GCFC2: variants seen among roughly 807,000 people sequenced by gnomAD.
GCFC2 encodes intron Large complex component GCFC2.
A neutral mutation model predicts 99.4 loss-of-function variants in GCFC2; 102 were observed. The observed-to-expected ratio is 1.03, with a 90% CI of 0.87 to 1.21. The LOEUF (loss-of-function observed/expected upper bound fraction) is 1.21, where lower values mean the gene tolerates loss of function less well. Among genes scored for constraint, GCFC2 ranks in the 50% most tolerant of loss-of-function variants. GCFC2 has a pLI of 0.00. For missense variants in GCFC2, 973 were observed against 920.9 expected, an observed-to-expected ratio of 1.06 and a Z score of -0.73; for synonymous variants, 338 against 316.8, an observed-to-expected ratio of 1.07 and a Z score of -0.71.
intron 11 of GCFC2, among the ~76,000 whole-genome samples, chr2:75,683,786 A>AAAAAAAG (rs1679690260): frequency 2.0e-5 from 3 of 146,568 alleles, no homozygotes; most frequent in South Asian, 2.2e-4. Flanking sequence ...AAAAAAAAAA[A>AAAAAAAG]AAAAAAGAAA....
upstream of GCFC2, chr2:75,710,956 G>C: frequency 7.3e-7 from 1 of 1,368,106 alleles, no homozygotes; most frequent in Non-Finnish European, 9.4e-7. Context: ...CCTGGCCGCC[G>C]AGTGCGCGCG....
intron 13 of GCFC2, among the ~76,000 whole-genome samples, chr2:75,672,303 AT>A (rs1679140275): frequency 2.3e-5 from 3 of 129,552 alleles, no homozygotes; most frequent in Non-Finnish European, 4.8e-5. Context: ...ATATATTTAT[AT>A]ATTTATAAAT....
At chr2:75,669,003 G>A (rs968458939) in intron 15 of GCFC2, among the ~76,000 whole-genome samples, 5 of 152,084 alleles carry the variant, frequency 3.3e-5, no homozygotes, top group African/African-American at 1.2e-4. Flanking sequence ...AAATAACAAC[G>A]CCAAAAAATG....
intron 11 of GCFC2, among the ~76,000 whole-genome samples, chr2:75,681,553 T>G (rs986009834): frequency 6.6e-6 from 1 of 151,644 alleles, no homozygotes; most frequent in Admixed American, 6.6e-5. Context: ...TAATTTTTAT[T>G]TTTTCATACC....
rs753111056 is a variant in GCFC2 at position 75,702,421 on chromosome 2, T to C, written c.397A>G (p.Lys133Glu). 1.2e-5 allele frequency: 20 copies of C among 1,611,328 alleles called. No individual in the cohort carries two copies. Among genetic ancestry groups the C allele is most frequent in the African/African-American group, 2.7e-5 (2 of 74,796 alleles). The change falls in exon 3 of 17, where the codon AAG (lysine) becomes GAG (glutamate). Residue 133 changes from lysine (K) to glutamate (E), a missense_variant and splice_region_variant. Lys to Glu is a moderately conservative substitution (Grantham distance 56, BLOSUM62 1). Coordinates refer to ENST00000321027, the MANE Select transcript of GCFC2 (RefSeq NM_003203.5). ...LGEKELSSTV[K>E]IPDAAFIQAA... is the part of the protein sequence containing the mutation. ...TGAATAAAAGCTGCATCTGGGATCT[T>C]AACTGAAGGAAACAAAGACGAGGAC...
At chr2:75,674,719 G>C (rs1679265410) in intron 12 of GCFC2, among the ~76,000 whole-genome samples, 1 of 152,028 alleles carries the variant, frequency 6.6e-6, no homozygotes, top group African/African-American at 2.4e-5. Context: ...AAATTCAACT[G>C]TCACATACTA....
At position 75,694,425 on chromosome 2, in the gene GCFC2, A is replaced by C. The variant is rs1041581878; in HGVS notation, c.836T>G (p.Leu279Ter). The change falls in exon 6 of 17, where the codon TTA becomes TGA. Residue 279 changes from leucine to a stop codon, truncating the protein, a stop_gained and splice_region_variant. Transcript: ENST00000321027. LOFTEE classifies it high-confidence loss of function. Reference sequence around the variant, plus strand: ...GCGGTGAGTTTCCTGTAGTAATGTTAATCTAAATAAATAAAATAAAAATTA... The same window carrying C: ...GCGGTGAGTTTCCTGTAGTAATGTTCATCTAAATAAATAAAATAAAAATTA... The part of the protein sequence containing the change: ...EIIKKQLNTR[L>*]TLLQETHRSH... 2 of 1,250,818 alleles carry C rather than the reference A, an allele frequency of 1.6e-6. No individual in the cohort carries two copies. Among genetic ancestry groups the C allele is most frequent in the Non-Finnish European group, 2.2e-6 (2 of 929,378 alleles). The allele number at this position is 1,250,818 out of a possible 1,614,324, so 77.5% of individuals were successfully genotyped here.
At chr2:75,698,521 G>A (rs1680432357) in intron 4 of GCFC2, among the ~76,000 whole-genome samples, 1 of 150,840 alleles carries the variant, frequency 6.6e-6, no homozygotes, top group Non-Finnish European at 1.5e-5. Flanking sequence ...ATAAAAACAA[G>A]AGAAGATAAT....
intron 16 of GCFC2, among the ~76,000 whole-genome samples, chr2:75,665,256 A>G (rs1231507195): frequency 3.9e-5 from 6 of 152,054 alleles, no homozygotes; most frequent in Non-Finnish European, 4.4e-5. Context: ...GGCTCAAGCA[A>G]TCTTCCCACC....
intron 4 of GCFC2, among the ~76,000 whole-genome samples, chr2:75,698,809 T>C (rs1029428602): frequency 1.3e-5 from 2 of 151,976 alleles, no homozygotes; most frequent in African/African-American, 4.8e-5. Context: ...CTCAGGAGTT[T>C]GAGACCAGCC....
At chr2:75,673,313 A>G (rs1490345610) in intron 13 of GCFC2, 131 bp downstream of exon 13, 5 of 259,722 alleles carry the variant, frequency 1.9e-5, no homozygotes, top group Admixed American at 1.6e-4. Flanking sequence ...GTCTCAAAAG[A>G]AAAAAAAAAA....
chr2:75,673,263 G>C (rs888037641), intron 13 of GCFC2, among the ~76,000 whole-genome samples, 181 bp downstream of exon 13: 3 of 151,550 alleles, frequency 2.0e-5, no homozygotes, highest in Non-Finnish European at 4.4e-5. Context: ...AGCCGAGATC[G>C]CGCCACTGCA....
At chr2:75,669,575 T>G (rs999978275) in intron 15 of GCFC2, among the ~76,000 whole-genome samples, 7 of 152,184 alleles carry the variant, frequency 4.6e-5, no homozygotes, top group Non-Finnish European at 8.8e-5. Context: ...TGGTGTATAG[T>G]GAGAGGTGAG....
In GCFC2 at chr2:75,701,233, G is replaced by A. The variant is rs769849446; in HGVS notation, c.674C>T (p.Thr225Ile). 1 of 1,608,770 alleles carries A rather than the reference G, an allele frequency of 6.2e-7. No individual in the cohort carries two copies. The highest frequency in any genetic ancestry group is 8.5e-7 in the Non-Finnish European group (1 of 1,175,216). The part of the protein sequence containing the change: ...EESQEDEKQD[T>I]WEQQQMRKAV... ...TTTCCTCATTTGCTGTTGTTCCCAA[G>A]TATCTTGCTTTTCATCTTCCTGACT... Residue 225 changes from threonine (T) to isoleucine (I), a missense_variant, in exon 4 of 17, where the codon ACT becomes ATT. Physicochemically the swap from Thr to Ile is moderately conservative, Grantham distance 89. Coordinates refer to ENST00000321027, the MANE Select transcript of GCFC2 (RefSeq NM_003203.5).
At chr2:75,670,393 C>T (rs1679044608) in intron 14 of GCFC2, 109 bp from the exon 15 acceptor site, 1 of 660,720 alleles carries the variant, frequency 1.5e-6, no homozygotes, top group Non-Finnish European at 2.6e-6. Context: ...TACAATTAGC[C>T]CTGTTGGAAC....
intron 12 of GCFC2, among the ~76,000 whole-genome samples, chr2:75,677,164 C>T (rs557750395): frequency 3.2e-4 from 48 of 152,304 alleles, no homozygotes; most frequent in Middle Eastern, 3.4e-3. Flanking sequence ...ATAGTAATTA[C>T]TGCTTTTTAA....
chr2:75,686,435 A>G (rs533495846), intron 11 of GCFC2, among the ~76,000 whole-genome samples: 1 of 152,218 alleles, frequency 6.6e-6, no homozygotes, highest in Admixed American at 6.5e-5. Flanking sequence ...AGAAGCAATT[A>G]TAAGGCTAAT....
Position 75,666,059 on chromosome 2 carries a change from A to G in GCFC2, c.2104-6T>C, listed in dbSNP as rs1018639536. ...TCTGGTAGACATGCTGCTACCTGTT[A>G]ATCAAAACACATGGCTGGTTTACAA... On this transcript the variant is annotated splice_polypyrimidine_tract_variant and splice_region_variant and intron_variant, in intron 15 of 16. Transcript: ENST00000321027. The G allele has an allele frequency of 7.5e-6, 12 of 1,598,320 alleles. No homozygotes were observed. The African/African-American group carries it at 1.6e-4, about 22-fold the overall frequency.
At chr2:75,684,156 C>T (rs970861324) in intron 11 of GCFC2, among the ~76,000 whole-genome samples, 1 of 152,162 alleles carries the variant, frequency 6.6e-6, no homozygotes, top group African/African-American at 2.4e-5. Context: ...AACTCTCCAC[C>T]CCAAATCGAC....
Sources: gnomAD v4.1 joint callset for allele counts (sites outside exome capture counted in the v4.1 genomes callset) on GRCh38, gnomAD v4.1.1 for gene constraint, MANE v1.5 for transcripts, NCBI Gene and HGNC (gene_info 2026-07-23, HGNC 2026-07-21) for gene names.